The following UST variants were observed in gnomAD, a reference collection of about 807,000 sequenced individuals.
UST encodes uronyl 2-sulfotransferase.
In UST, 21 loss-of-function variants were observed where a neutral mutation model predicts 45.6. The ratio of observed to expected loss-of-function variants is 0.46; its 90% CI spans 0.33 to 0.66. The LOEUF (loss-of-function observed/expected upper bound fraction) is 0.66. Ranked by LOEUF, UST falls within the 30% of genes least tolerant of loss-of-function variation. The pLI is 0.02. For missense variants in UST, 463 were observed against 512.4 expected (o/e 0.90, Z 0.93); for synonymous variants, 215 against 200.6 (o/e 1.07, Z -0.61).
intron 1 of UST, among the ~76,000 whole-genome samples, chr6:148,786,234 C>T (rs573319100): frequency 4.3e-4 from 65 of 152,038 alleles, no homozygotes; most frequent in Non-Finnish European, 8.2e-4. Flanking sequence ...AAATTTCCAG[C>T]TTTTATTTTA....
chr6:148,788,552 G>A (rs151270795), intron 1 of UST, among the ~76,000 whole-genome samples: 39 of 152,106 alleles, frequency 2.6e-4, no homozygotes, highest in African/African-American at 8.0e-4. Context: ...AACTTGAGCC[G>A]TTTGTACAGA....
At chr6:149,016,029 T>G (rs12201653) in intron 5 of UST, among the ~76,000 whole-genome samples, 37,115 of 152,116 alleles carry the variant, frequency 0.24, 4,609 homozygotes, top group Admixed American at 0.27. Flanking sequence ...GCCAAGCAGT[T>G]GGCAGCTCCA....
chr6:148,878,711 C>CATGTATGAGTTCAGGAGTT (rs377427404), intron 1 of UST, among the ~76,000 whole-genome samples: 5 of 126,522 alleles, frequency 4.0e-5, no homozygotes, highest in African/African-American at 1.5e-4. Flanking sequence ...GTGCGGAGGT[C>CATGTATGAGTTCAGGAGTT]GTGTATGAGT....
intron 5 of UST, among the ~76,000 whole-genome samples, chr6:148,991,672 C>T (rs940103125): frequency 2.0e-5 from 3 of 152,056 alleles, no homozygotes; most frequent in Non-Finnish European, 2.9e-5. Flanking sequence ...GGATCAATGT[C>T]ATGGTAGATA....
At chr6:149,055,320 T>A (rs1776546969) in intron 7 of UST, among the ~76,000 whole-genome samples, 1 of 152,220 alleles carries the variant, frequency 6.6e-6, no homozygotes, top group Non-Finnish European at 1.5e-5. Context: ...ACAGTATGGA[T>A]TTAATGCCGG....
At chr6:148,971,473 A>G (rs1025418037) in intron 5 of UST, among the ~76,000 whole-genome samples, 11 of 152,112 alleles carry the variant, frequency 7.2e-5, no homozygotes, top group Non-Finnish European at 1.2e-4. Flanking sequence ...TACATGTAGG[A>G]TGTAGGCTGC....
At chr6:149,034,668 G>T (rs1445964094) in intron 7 of UST, among the ~76,000 whole-genome samples, 1 of 152,104 alleles carries the variant, frequency 6.6e-6, no homozygotes, top group African/African-American at 2.4e-5. Context: ...TAATCTCGGG[G>T]ATGCTATTTC....
chr6:148,849,164 C>A (rs1184017325), intron 1 of UST, among the ~76,000 whole-genome samples: 1 of 152,162 alleles, frequency 6.6e-6, no homozygotes, highest in Non-Finnish European at 1.5e-5. Flanking sequence ...ACATGCCAGT[C>A]TCCTCTGAAA....
chr6:148,987,478 C>T (rs780512140), intron 5 of UST, among the ~76,000 whole-genome samples: 6 of 151,900 alleles, frequency 3.9e-5, no homozygotes, highest in Non-Finnish European at 8.8e-5. Flanking sequence ...GACTGTGTAA[C>T]GTGAATAACA....
At chr6:148,891,342 A>T (rs1226473361) in intron 2 of UST, among the ~76,000 whole-genome samples, 2 of 152,222 alleles carry the variant, frequency 1.3e-5, no homozygotes, top group African/African-American at 4.8e-5. Flanking sequence ...ATCATTTCAT[A>T]TACATTGACA....
At chr6:148,856,324 T>A (rs1778204556) in intron 1 of UST, among the ~76,000 whole-genome samples, 1 of 152,198 alleles carries the variant, frequency 6.6e-6, no homozygotes, top group Non-Finnish European at 1.5e-5. Context: ...CCGAAAAATA[T>A]GTTTTGATTA....
At chr6:148,813,352 G>A (rs1361157611) in intron 1 of UST, among the ~76,000 whole-genome samples, 4 of 151,618 alleles carry the variant, frequency 2.6e-5, no homozygotes, top group Non-Finnish European at 5.9e-5. Flanking sequence ...CCTAATATAA[G>A]CCATTGCCAC....
At chr6:149,014,242 G>A (rs1775861748) in intron 5 of UST, among the ~76,000 whole-genome samples, 1 of 152,228 alleles carries the variant, frequency 6.6e-6, no homozygotes, top group Non-Finnish European at 1.5e-5. Context: ...ACACAGAGGA[G>A]CCCCTGCAAG....
chr6:149,020,534 TAC>T (rs1367058288), intron 6 of UST, among the ~76,000 whole-genome samples: 1 of 152,240 alleles, frequency 6.6e-6, no homozygotes, highest in East Asian at 1.9e-4. Context: ...CACACCTTGA[TAC>T]ACACACAATG....
intron 1 of UST, among the ~76,000 whole-genome samples, chr6:148,774,164 A>C (rs1776485955): frequency 6.6e-6 from 1 of 152,122 alleles, no homozygotes; most frequent in Non-Finnish European, 1.5e-5. Flanking sequence ...CCTCAGGTAG[A>C]TCACCAACAG....
chr6:148,751,676 T>C (rs1775994961), intron 1 of UST, among the ~76,000 whole-genome samples: 1 of 151,956 alleles, frequency 6.6e-6, no homozygotes, highest in Non-Finnish European at 1.5e-5. Flanking sequence ...TTGGGGTAAA[T>C]AGAAATATAT....
At chr6:148,835,440 G>A (rs143217600) in intron 1 of UST, among the ~76,000 whole-genome samples, 1 of 152,304 alleles carries the variant, frequency 6.6e-6, no homozygotes, top group East Asian at 1.9e-4. Context: ...CAGTAGCCTA[G>A]TAAGCTTTCT....
chr6:148,790,128 T>C lies in UST; in HGVS notation c.247+42451T>C, dbSNP rs917791695. Among the ~76,000 whole-genome samples, 1 of 152,178 alleles carries C rather than the reference T, an allele frequency of 6.6e-6. No homozygotes were observed. Among genetic ancestry groups the C allele is most frequent in the African/African-American group, 2.4e-5 (1 of 41,452 alleles). On this transcript the variant is annotated intron_variant, in intron 1 of 7. Transcript: ENST00000367463. The surrounding 1 kb of genome is among the most constrained non-coding windows in gnomAD (Gnocchi z 4.2). ...TTATCCTTGCAGCGGTGTCAGACTT[T>C]AGCTGCTTCCTGTAGCTCGTTCCCT...
intron 7 of UST, among the ~76,000 whole-genome samples, chr6:149,032,334 G>A (rs1303301137): frequency 3.3e-5 from 5 of 152,056 alleles, no homozygotes; most frequent in Non-Finnish European, 7.4e-5. Flanking sequence ...CTTCCTCCCT[G>A]CTGTCTTCCC....
Sources: allele counts gnomAD v4.1 joint callset (sites outside exome capture counted in the v4.1 genomes callset), GRCh38; gene constraint gnomAD v4.1.1; non-coding constraint Gnocchi (gnomAD v3.1); transcripts MANE v1.5; gene names NCBI Gene and HGNC (gene_info 2026-07-23, HGNC 2026-07-21).